Variants in ADORA2B observed in about 807,000 individuals in gnomAD.
ADORA2B encodes adenosine A2b receptor, also known as adenosine receptor A2b.
Under a neutral mutation model 20.8 loss-of-function variants are expected in ADORA2B, and 18 were observed. The ratio of observed to expected loss-of-function variants is 0.87; its 90% confidence interval spans 0.60 to 1.29. The LOEUF (loss-of-function observed/expected upper bound fraction) is 1.29. Ranked by LOEUF, ADORA2B falls within the 50% of genes most tolerant of loss-of-function variation. ADORA2B has a pLI of 0.00. For synonymous variants in ADORA2B, 179 were observed against 178.3 expected (o/e 1.00, Z -0.03); for missense variants, 441 against 422.7 (o/e 1.04, Z -0.38).
chr17:15,868,780 CAA>C, the ADORA2B span, among the ~76,000 whole-genome samples: 1 of 139,826 alleles, frequency 7.2e-6, no homozygotes. Flanking sequence ...ACTCCATCTC[CAA>C]AAAAAAAATA....
intron 1 of ADORA2B, among the ~76,000 whole-genome samples, chr17:15,968,215 G>C (rs1970144981): frequency 6.6e-6 from 1 of 152,186 alleles, no homozygotes; most frequent in Admixed American, 6.5e-5. Context: ...GCACAGGTTT[G>C]AACTATGCAG....
chr17:15,964,792 TG>T (rs1315765398), intron 1 of ADORA2B, among the ~76,000 whole-genome samples: 1 of 149,350 alleles, frequency 6.7e-6, no homozygotes, highest in Non-Finnish European at 1.5e-5. Context: ...CCGGGCGCGG[TG>T]GCTCACGCCT....
the ADORA2B span, among the ~76,000 whole-genome samples, chr17:15,935,853 AT>A: frequency 7.9e-6 from 1 of 126,662 alleles, no homozygotes; most frequent in Non-Finnish European, 1.7e-5. Flanking sequence ...TAAATTTTTC[AT>A]TTGTTATTGT....
the ADORA2B span, among the ~76,000 whole-genome samples, chr17:15,926,192 C>T: frequency 4.6e-5 from 7 of 152,108 alleles, no homozygotes; most frequent in Non-Finnish European, 7.4e-5. Flanking sequence ...GCTCTACAGG[C>T]TCCTATGTGC....
At chr17:15,852,525 C>T in the ADORA2B span, among the ~76,000 whole-genome samples, 1 of 151,256 alleles carries the variant, frequency 6.6e-6, no homozygotes, top group Non-Finnish European at 1.5e-5. Context: ...TAGATAATAC[C>T]AAATGATGAA....
chr17:15,974,609 A>G, intron 1 of ADORA2B, 70 bp from the exon 2 acceptor site: 5 of 1,364,542 alleles, frequency 3.7e-6, no homozygotes, highest in Non-Finnish European at 4.0e-6. Context: ...AAAAAAGAGG[A>G]GGTGGGGTCT....
chr17:15,868,788 A>T, the ADORA2B span, among the ~76,000 whole-genome samples: 1 of 150,226 alleles, frequency 6.7e-6, no homozygotes, highest in Non-Finnish European at 1.5e-5. Context: ...TCCAAAAAAA[A>T]AATACAAAAA....
chr17:15,904,280 A>G, the ADORA2B span, among the ~76,000 whole-genome samples: 6,822 of 150,658 alleles, frequency 0.045, 378 homozygotes, highest in African/African-American at 0.13. Flanking sequence ...GCACCCAGCC[A>G]ATTTTTTTCT....
the ADORA2B span, among the ~76,000 whole-genome samples, chr17:15,893,980 A>G: frequency 1.3e-5 from 2 of 152,228 alleles, no homozygotes; most frequent in African/African-American, 2.4e-5. Flanking sequence ...CTGTGTCCCA[A>G]CAAAAGTTTA....
chr17:15,959,960 T>G (rs1265493305), intron 1 of ADORA2B, among the ~76,000 whole-genome samples: 2 of 152,232 alleles, frequency 1.3e-5, no homozygotes, highest in African/African-American at 4.8e-5. Context: ...TTCCTCAGTC[T>G]TTTGTTTGTT....
At chr17:15,917,346 G>A in the ADORA2B span, among the ~76,000 whole-genome samples, 1 of 152,214 alleles carries the variant, frequency 6.6e-6, no homozygotes, top group Non-Finnish European at 1.5e-5. Context: ...GCTAGGCGGG[G>A]ACAGCGGTAC....
chr17:15,942,880 C>G (rs1485597534), upstream of ADORA2B, among the ~76,000 whole-genome samples: 1 of 152,214 alleles, frequency 6.6e-6, no homozygotes, highest in African/African-American at 2.4e-5. Flanking sequence ...ACTACCACCT[C>G]TGCCTGGTAT....
the ADORA2B span, among the ~76,000 whole-genome samples, chr17:15,904,265 C>T: frequency 3.3e-5 from 5 of 152,240 alleles, no homozygotes; most frequent in African/African-American, 1.2e-4. Flanking sequence ...CAGGCATGAG[C>T]CACTGCACCC....
chr17:15,855,781 T>C, the ADORA2B span, among the ~76,000 whole-genome samples: 41 of 152,250 alleles, frequency 2.7e-4, 1 homozygote, highest in African/African-American at 9.2e-4. Flanking sequence ...TGGGGTACAA[T>C]TGATCCCATC....
At chr17:15,966,184 C>T (rs757136945) in intron 1 of ADORA2B, among the ~76,000 whole-genome samples, 9 of 152,208 alleles carry the variant, frequency 5.9e-5, no homozygotes, top group Admixed American at 1.3e-4. Context: ...AGACTATAAA[C>T]GGAAGAAACA....
At chr17:15,939,501 C>CA in the ADORA2B span, among the ~76,000 whole-genome samples, 1 of 152,174 alleles carries the variant, frequency 6.6e-6, no homozygotes, top group South Asian at 2.1e-4. Context: ...TTGGAAAATC[C>CA]AAGTTGTCTC....
chr17:15,894,710 A>G, the ADORA2B span, among the ~76,000 whole-genome samples: 1 of 152,204 alleles, frequency 6.6e-6, no homozygotes, highest in Non-Finnish European at 1.5e-5. Flanking sequence ...GGAAGAAGTC[A>G]AACACAACAC....
the ADORA2B span, among the ~76,000 whole-genome samples, chr17:15,867,438 C>CGTCTG: frequency 6.6e-6 from 1 of 150,508 alleles, no homozygotes; most frequent in African/African-American, 2.5e-5. Flanking sequence ...CCGGCCGCCC[C>CGTCTG]ATCTGAGAAG....
At chr17:15,878,182 T>TAC in the ADORA2B span, among the ~76,000 whole-genome samples, 23 of 51,018 alleles carry the variant, frequency 4.5e-4, no homozygotes, top group Non-Finnish European at 3.6e-4. Context: ...TGTGTGTGTG[T>TAC]ATACACACAC....
Sources: gnomAD v4.1 joint callset for allele counts (sites outside exome capture counted in the v4.1 genomes callset) on GRCh38, gnomAD v4.1.1 for gene constraint, MANE v1.5 for transcripts, NCBI Gene and HGNC (gene_info 2026-07-23, HGNC 2026-07-21) for gene names.